The following CCDC61 variants were observed in gnomAD, a reference collection of about 807,000 sequenced individuals.
CCDC61 encodes the protein centrosomal protein CCDC61.
Under a neutral mutation model 63.0 loss-of-function variants are expected in CCDC61, and 55 were observed. The ratio of observed to expected loss-of-function variants is 0.87; its 90% confidence interval spans 0.70 to 1.09. The LOEUF (loss-of-function observed/expected upper bound fraction) is 1.09. Among genes scored for constraint, CCDC61 ranks in the 50% least tolerant of loss-of-function variants. The pLI, the probability that CCDC61 is intolerant of heterozygous loss-of-function variation, is 0.00. For missense variants in CCDC61, 651 were observed against 731.4 expected (o/e 0.89, Z 1.27); for synonymous variants, 270 against 317.0 (o/e 0.85, Z 1.58).
In CCDC61 at chr19:46,017,256, C is replaced by G. The variant is rs1047898902; in HGVS notation, c.1320C>G (p.Arg440=). 1 of 1,564,246 alleles carries G rather than the reference C, an allele frequency of 6.4e-7. No homozygotes were observed. Among genetic ancestry groups the G allele is most frequent in the Non-Finnish European group, 8.7e-7 (1 of 1,153,944 alleles). The change falls in exon 12 of 14, where the codon CGC becomes CGG. Residue 440 remains arginine (R), a synonymous_variant. Coordinates refer to ENST00000595358, the MANE Select transcript of CCDC61 (RefSeq NM_001267723.2). ...FSESLSRGGH[R]RRGKPPSPTP... ...TACTCCTTTTTCTCAGGGGTCACCG[C>G]CGCCGTGGGAAGCCTCCCAGCCCAA... is the stretch of plus-strand genomic sequence containing the variant.
chr19:46,006,081 C>A (rs973023533), intron 3 of CCDC61, among the ~76,000 whole-genome samples: 11 of 152,108 alleles, frequency 7.2e-5, no homozygotes, highest in Non-Finnish European at 1.5e-4. Context: ...TTTCTCTTCC[C>A]CAGCCCCCCA....
At chr19:46,006,300 A>T (rs542430987) in intron 3 of CCDC61, among the ~76,000 whole-genome samples, 59 of 152,336 alleles carry the variant, frequency 3.9e-4, no homozygotes, top group African/African-American at 1.4e-3. Flanking sequence ...TGGACCCCCC[A>T]GGGATCTGGA....
intron 4 of CCDC61, 25 bp from the exon 5 acceptor site, chr19:46,008,115 C>T (rs1391504224): frequency 3.2e-6 from 5 of 1,580,048 alleles, no homozygotes; most frequent in Non-Finnish European, 4.3e-6. Flanking sequence ...TCTGAGATGC[C>T]ACGGTTTTAA....
intron 3 of CCDC61, among the ~76,000 whole-genome samples, chr19:46,003,853 G>GTGTGTGTGTGTA (rs1568688634): frequency 1.3e-5 from 2 of 150,514 alleles, no homozygotes; most frequent in Admixed American, 1.3e-4. Context: ...GTGTGTGTGT[G>GTGTGTGTGTGTA]TGTGTGTGTA....
intron 5 of CCDC61, among the ~76,000 whole-genome samples, chr19:46,013,850 A>T (rs1013457552): frequency 2.7e-5 from 4 of 150,442 alleles, no homozygotes; most frequent in Non-Finnish European, 5.9e-5. Context: ...TGGGTGACAG[A>T]GCAAGACTCC....
chr19:46,014,232 T>C (rs1287721210), intron 5 of CCDC61, among the ~76,000 whole-genome samples: 1 of 152,196 alleles, frequency 6.6e-6, no homozygotes. Flanking sequence ...ATGAGCCACT[T>C]TGTCCAGCCA....
chr19:46,010,706 A>G (rs146842648), intron 5 of CCDC61, among the ~76,000 whole-genome samples: 25 of 152,334 alleles, frequency 1.6e-4, no homozygotes, highest in African/African-American at 5.3e-4. Context: ...AAAAGTAAAC[A>G]GTAGTATAAT....
Position 46,003,138 on chromosome 19 carries a change from C to T in CCDC61, c.120C>T (p.Asp40=). ...AGGTGGAGGACCGGATGACGGCTGA[C>T]CAGTGGCGGGGCGAGTTCGATGCTG... ...ELEVEDRMTA[D]QWRGEFDAGF... is the part of the protein sequence containing the mutation. Residue 40 remains aspartate, a synonymous_variant, in exon 2 of 14, where the codon GAC becomes GAT. Coordinates refer to ENST00000595358, the MANE Select transcript of CCDC61 (RefSeq NM_001267723.2). 6.2e-7 allele frequency: 1 copy of T among 1,613,054 alleles called. No individual in the cohort carries two copies. Among genetic ancestry groups the T allele is most frequent in the Non-Finnish European group, 8.5e-7 (1 of 1,179,472 alleles).
intron 3 of CCDC61, among the ~76,000 whole-genome samples, chr19:46,004,511 C>G (rs1217680919): frequency 2.0e-5 from 3 of 152,182 alleles, no homozygotes; most frequent in Admixed American, 6.5e-5. Flanking sequence ...GTCTCCCAGG[C>G]TGGAGTGCAG....
chr19:46,005,367 G>A (rs1181872214), intron 3 of CCDC61, among the ~76,000 whole-genome samples: 5 of 152,136 alleles, frequency 3.3e-5, no homozygotes, highest in African/African-American at 1.2e-4. Context: ...ATCCTCATCA[G>A]TGAACTTTTT....
rs983097749 is a variant in CCDC61, at chr19:46,016,427, C to T, written c.1091+34C>T. The T allele has an allele frequency of 1.2e-5, 19 of 1,607,760 alleles. No individual in the cohort carries two copies. The highest frequency in any genetic ancestry group is 4.0e-5 in the African/African-American group (3 of 74,878). ...CCCTTCCTCCCTCACCTGCCCCTGTCCCTGGCCCGTGCCCGCTCCCGGGCT... is the reference window on the plus strand; with the variant it reads ...CCCTTCCTCCCTCACCTGCCCCTGTTCCTGGCCCGTGCCCGCTCCCGGGCT... On this transcript the variant is annotated intron_variant, in intron 9 of 13. Transcript: ENST00000595358. The surrounding 1 kb of genome is among the most constrained non-coding windows in gnomAD (Gnocchi z 7.2).
At chr19:46,005,061 A>T (rs1453534481) in intron 3 of CCDC61, among the ~76,000 whole-genome samples, 2 of 151,704 alleles carry the variant, frequency 1.3e-5, no homozygotes, top group African/African-American at 2.4e-5. Flanking sequence ...CCCAGGCTGG[A>T]GTGCAGTGGC....
At chr19:46,006,458 C>T (rs913420909) in intron 3 of CCDC61, 101 bp from the exon 4 acceptor site, 25 of 1,207,030 alleles carry the variant, frequency 2.1e-5, no homozygotes, top group East Asian at 8.0e-5. Flanking sequence ...AAGCCTAGCC[C>T]GCCTAGAGAA....
intron 12 of CCDC61, 129 bp from the exon 13 acceptor site, chr19:46,017,949 T>C (rs1399045783): frequency 1.5e-5 from 11 of 740,610 alleles, no homozygotes; most frequent in Non-Finnish European, 2.2e-5. Flanking sequence ...TTGCAGATAA[T>C]GAATGGCCAG....
intron 1 of CCDC61, among the ~76,000 whole-genome samples, chr19:45,998,738 A>G (rs1478589519): frequency 1.3e-5 from 2 of 152,172 alleles, no homozygotes; most frequent in African/African-American, 2.4e-5. Context: ...TGTTTGAAGC[A>G]CCTTATATAC....
chr19:46,001,261 C>T (rs1322112089), intron 1 of CCDC61, among the ~76,000 whole-genome samples: 1 of 152,144 alleles, frequency 6.6e-6, no homozygotes, highest in Non-Finnish European at 1.5e-5. Context: ...GAATCTTGCT[C>T]TGTTACCCAG....
At chr19:46,006,797 C>A in intron 4 of CCDC61, 81 bp downstream of exon 4, 1 of 1,312,084 alleles carries the variant, frequency 7.6e-7, no homozygotes, top group Non-Finnish European at 1.1e-6. Context: ...GAACCCCTGG[C>A]ACCCAGGCAA....
chr19:46,008,265 A>T lies in CCDC61; in HGVS notation c.515A>T (p.Asp172Val), dbSNP rs1968752887. The part of the protein sequence containing the change: ...LQGLDGQNTR[D>V]TRENEIWHLR... ...GGGCTGGATGGCCAGAACACTCGGGACACCCGGGAGAATGAGATCTGGCAT... is the reference window on the plus strand; with the variant it reads ...GGGCTGGATGGCCAGAACACTCGGGTCACCCGGGAGAATGAGATCTGGCAT... The change falls in exon 5 of 14, where the codon GAC becomes GTC. Residue 172 changes from aspartate to valine, a missense_variant. Coordinates refer to ENST00000595358, the MANE Select transcript of CCDC61 (RefSeq NM_001267723.2). 7.2e-7 allele frequency: 1 copy of T among 1,392,142 alleles called. No individual in the cohort carries two copies. Among genetic ancestry groups the T allele is most frequent in the Admixed American group, 1.9e-5 (1 of 52,704 alleles). The allele number at this position is 1,392,142 out of a possible 1,614,324, so 86.2% of individuals were successfully genotyped here.
rs1210674139 is a variant in CCDC61 at position 45,997,931 on chromosome 19, C to T, written c.-12+2427C>T. Among the ~76,000 whole-genome samples the T allele has an allele frequency of 2.0e-5, 3 of 152,144 alleles. No homozygotes were observed. The South Asian group carries it at 6.2e-4, about 32-fold the overall frequency. ...CGAACTCCTGACCTCAAGTGATCTG[C>T]CCACCTCAGCCTCCCAAAGTGCTGA... On this transcript the variant is annotated intron_variant, in intron 1 of 13. Transcript: ENST00000595358.
Sources: allele counts gnomAD v4.1 joint callset (sites outside exome capture counted in the v4.1 genomes callset), GRCh38; gene constraint gnomAD v4.1.1; non-coding constraint Gnocchi (gnomAD v3.1); transcripts MANE v1.5; gene names NCBI Gene and HGNC (gene_info 2026-07-23, HGNC 2026-07-21).